Variants in SLC2A12 observed in about 807,000 individuals in gnomAD.
SLC2A12 encodes solute carrier family 2 member 12.
Under a neutral mutation model 41.8 loss-of-function variants are expected in SLC2A12, and 23 were observed. That is an observed-to-expected ratio of 0.55 (90% CI 0.40 to 0.78). SLC2A12 has a LOEUF of 0.78. SLC2A12 is among the 30% of genes least tolerant of loss of function. The pLI, the probability that SLC2A12 is intolerant of heterozygous loss-of-function variation, is 0.00. For missense variants in SLC2A12, 654 were observed against 745.6 expected, an observed-to-expected ratio of 0.88 and a Z score of 1.43; for synonymous variants, 295 against 285.9, an observed-to-expected ratio of 1.03 and a Z score of -0.32.
chr6:134,043,740 C>T (rs772188279), intron 1 of SLC2A12, among the ~76,000 whole-genome samples: 13 of 143,714 alleles, frequency 9.0e-5, no homozygotes, highest in South Asian at 8.8e-4. Context: ...TGCAGTGAGC[C>T]GAGATCACAC....
chr6:134,022,554 A>C (rs1033008543), intron 2 of SLC2A12, among the ~76,000 whole-genome samples: 1 of 53,886 alleles, frequency 1.9e-5, no homozygotes, highest in Non-Finnish European at 3.5e-5. Context: ...AAAAGAAAAG[A>C]AAAGAAAAGA....
rs201797339 is a variant in SLC2A12 at position 134,046,927 on chromosome 6, GA to G, written c.103+5450del. 1.4e-3 allele frequency among the ~76,000 whole-genome samples: 206 copies of G among 152,014 alleles called. 5 individuals carry two copies. The East Asian group carries it at 0.028, about 21-fold the overall frequency. On this transcript the variant is annotated intron_variant, in intron 1 of 4. Transcript: ENST00000275230. The stretch of plus-strand genomic sequence containing the variant: ...TGCAAAGGCAAAACAAAATAATACA[GA>G]AAAAAAATTTGAATTTATGATTTAC...
chr6:134,029,773 A>T (rs1399877090), intron 1 of SLC2A12, 52 bp from the exon 2 acceptor site: 16 of 1,528,364 alleles, frequency 1.0e-5, no homozygotes, highest in Non-Finnish European at 1.2e-5. Flanking sequence ...GAGATTTTAA[A>T]CATTTTGTAT....
intron 2 of SLC2A12, among the ~76,000 whole-genome samples, chr6:134,008,663 A>G (rs897699838): frequency 6.6e-6 from 1 of 152,214 alleles, no homozygotes; most frequent in Admixed American, 6.5e-5. Context: ...CTCTGAGTAG[A>G]CTGATATCTG....
At position 134,006,798 on chromosome 6, in the gene SLC2A12, C is replaced by G. The variant is rs201059520; in HGVS notation, c.1567+14G>C. On this transcript the variant is annotated intron_variant, in intron 3 of 4. Coordinates refer to ENST00000275230, the MANE Select transcript of SLC2A12 (RefSeq NM_145176.3). ...GAGGACCAAAGACATTAGAGGAAAA[C>G]AAAGACTTCTTACCAGTTACAGTCA... 7.3e-5 allele frequency: 118 copies of G among 1,613,584 alleles called. No homozygotes were observed. Among genetic ancestry groups the G allele is most frequent in the Admixed American group, 1.7e-5 (1 of 59,958 alleles).
rs1168030088 is a variant in SLC2A12 at position 134,020,037 on chromosome 6, A to C, written c.1444+8344T>G. Among the ~76,000 whole-genome samples the C allele has an allele frequency of 3.3e-5, 5 of 151,840 alleles. No individual in the cohort carries two copies. The South Asian group carries it at 1.0e-3, about 32-fold the overall frequency. On this transcript the variant is annotated intron_variant, in intron 2 of 4. Transcript: ENST00000275230. ...GAGATTCCATCTCAAAAAAAAAAAA[A>C]AAAAAGTATGTAAGATTACATGAGT...
At chr6:133,995,187 G>A (rs1053084681) in intron 4 of SLC2A12, among the ~76,000 whole-genome samples, 1 of 152,152 alleles carries the variant, frequency 6.6e-6, no homozygotes, top group African/African-American at 2.4e-5. Flanking sequence ...AGAGAAAAGT[G>A]GCACAAAAAG....
chr6:134,016,116 A>C (rs1776958561), intron 2 of SLC2A12, among the ~76,000 whole-genome samples: 1 of 152,070 alleles, frequency 6.6e-6, no homozygotes, highest in Non-Finnish European at 1.5e-5. Flanking sequence ...AAAGGCACTG[A>C]CTGTCTTTGC....
chr6:133,997,307 T>C (rs1776708557), intron 4 of SLC2A12, among the ~76,000 whole-genome samples: 1 of 152,028 alleles, frequency 6.6e-6, no homozygotes, highest in African/African-American at 2.4e-5. Context: ...TTACTGAGTA[T>C]ATACCCAAAG....
chr6:134,028,862 A>G lies in SLC2A12; in HGVS notation c.963T>C (p.Thr321=), dbSNP rs760165338. ...TAATGACCTTGACGACTCCAACCCC[A>G]GTGGAGGCGAGGCTAGCTGCCTCAT... The part of the protein sequence containing the change: ...QSNEAASLAS[T]GVGVVKVIST... Residue 321 remains threonine (T), a synonymous_variant, in exon 2 of 5, where the codon ACT becomes ACC. Transcript: ENST00000275230. 6 of 1,614,106 alleles carry G rather than the reference A, an allele frequency of 3.7e-6. No individual in the cohort carries two copies. The highest frequency in any genetic ancestry group is 1.7e-5 in the Admixed American group (1 of 59,990).
At chr6:134,039,269 A>G (rs2114499106) in intron 1 of SLC2A12, among the ~76,000 whole-genome samples, 1 of 152,300 alleles carries the variant, frequency 6.6e-6, no homozygotes, top group East Asian at 1.9e-4. Flanking sequence ...TCAGATGATG[A>G]TTCTGCTGTT....
chr6:133,991,370 G>T, intron 4 of SLC2A12, 62 bp from the exon 5 acceptor site: 1 of 1,553,048 alleles, frequency 6.4e-7, no homozygotes, highest in Non-Finnish European at 8.7e-7. Context: ...AAAATGTGTA[G>T]GCTATTATTT....
At chr6:133,995,169 A>G (rs1776671683) in intron 4 of SLC2A12, among the ~76,000 whole-genome samples, 1 of 152,232 alleles carries the variant, frequency 6.6e-6, no homozygotes, top group Non-Finnish European at 1.5e-5. Context: ...AAATAGGGCA[A>G]AAGCTGGAGA....
chr6:133,997,989 A>G (rs1056846947), intron 4 of SLC2A12, among the ~76,000 whole-genome samples: 1 of 152,156 alleles, frequency 6.6e-6, no homozygotes, highest in Non-Finnish European at 1.5e-5. Context: ...CAGTTCTCCT[A>G]TAGTCTGTTT....
Position 133,989,589 on chromosome 6 carries a change from T to C in SLC2A12, c.*1566A>G, listed in dbSNP as rs1219346118. The C allele has an allele frequency of 6.6e-6, 1 of 152,190 alleles. No homozygotes were observed. Among genetic ancestry groups the C allele is most frequent in the East Asian group, 1.9e-4 (1 of 5,194 alleles). 9.4% of individuals were successfully genotyped at this position (152,190 alleles called of 1,614,324 possible). ...GATTTGCGTATGAAATACACCATGATAGAATTGAGATCTCCAATCTCCTTT... is the reference window on the plus strand; with the variant it reads ...GATTTGCGTATGAAATACACCATGACAGAATTGAGATCTCCAATCTCCTTT... On this transcript the variant is annotated 3_prime_UTR_variant, in exon 5 of 5. Transcript: ENST00000275230.
intron 2 of SLC2A12, among the ~76,000 whole-genome samples, chr6:134,013,018 TAGAA>T (rs1328704430): frequency 1.3e-5 from 2 of 152,170 alleles, no homozygotes; most frequent in Non-Finnish European, 1.5e-5. Flanking sequence ...AGGTATTTAA[TAGAA>T]AGTTTACATT....
At chr6:134,028,266 A>C (rs1353465598) in intron 2 of SLC2A12, 115 bp downstream of exon 2, 1 of 1,353,238 alleles carries the variant, frequency 7.4e-7, no homozygotes, top group African/African-American at 1.5e-5. Context: ...TAGAAGGAAC[A>C]TCAGATGACC....
rs573217695 is a variant in SLC2A12 at position 134,028,978 on chromosome 6, G to C, written c.847C>G (p.Leu283Val). Residue 283 changes from leucine to valine, a missense_variant, in exon 2 of 5, where the codon CTA (leucine) becomes GTA (valine). Physicochemically the swap from Leu to Val is conservative, Grantham distance 32 (BLOSUM62 1). Coordinates refer to ENST00000275230, the MANE Select transcript of SLC2A12 (RefSeq NM_145176.3). ...ATTTGTACAAAAAATACTAGTGTTAGTCCTATCATTATTCGGGTCCGCATG... is the reference window on the plus strand; with the variant it reads ...ATTTGTACAAAAAATACTAGTGTTACTCCTATCATTATTCGGGTCCGCATG... ...DNMRTRIMIGLTLVFFVQITG... is the reference protein window; with the variant it reads ...DNMRTRIMIGVTLVFFVQITG... 20 of 1,614,206 alleles carry C rather than the reference G, an allele frequency of 1.2e-5. No homozygotes were observed. The highest frequency in any genetic ancestry group is 1.1e-4 in the East Asian group (5 of 44,882).
rs1173183306 is a variant in SLC2A12, at chr6:134,007,921, G to A, written c.1445-987C>T. Among the ~76,000 whole-genome samples, 70 of 152,136 alleles carry A rather than the reference G, an allele frequency of 4.6e-4. 1 individual carries two copies. The highest frequency in any genetic ancestry group is 4.5e-3 in the Admixed American group (69 of 15,270). On this transcript the variant is annotated intron_variant, in intron 2 of 4. Coordinates refer to ENST00000275230, the MANE Select transcript of SLC2A12 (RefSeq NM_145176.3). The stretch of plus-strand genomic sequence containing the variant: ...GTGGCATTATCCCTAGTAGTCTCTG[G>A]AATTCATGCTTTTTTGTCATTGTGC...
Sources: allele counts gnomAD v4.1 joint callset (sites outside exome capture counted in the v4.1 genomes callset), GRCh38; gene constraint gnomAD v4.1.1; transcripts MANE v1.5; gene names NCBI Gene and HGNC (gene_info 2026-07-23, HGNC 2026-07-21).